Variants in PCDHA7 observed in about 807,000 individuals in gnomAD.
The protein encoded by PCDHA7 is protocadherin alpha 7.
PCDHA7 carries 37 observed loss-of-function variants against 57.2 expected under a neutral mutation model. That is an observed-to-expected ratio of 0.65 (90% CI 0.50 to 0.85). PCDHA7 has a LOEUF of 0.85. Ranked by LOEUF, PCDHA7 falls within the 40% of genes least tolerant of loss-of-function variation. PCDHA7 has a pLI of 0.00. For missense variants in PCDHA7, 1,188 were observed against 1,241.8 expected, an observed-to-expected ratio of 0.96 and a Z score of 0.65; for synonymous variants, 553 against 558.8, an observed-to-expected ratio of 0.99 and a Z score of 0.15.
chr5:140,970,373 C>T (rs1554232421), intron 1 of PCDHA7, among the ~76,000 whole-genome samples: 2 of 152,250 alleles, frequency 1.3e-5, no homozygotes, highest in East Asian at 1.9e-4. Context: ...GCTATAGCTT[C>T]AAAAGGCTGG....
chr5:140,852,890 T>G (rs1315995547), intron 1 of PCDHA7: 3 of 912,634 alleles, frequency 3.3e-6, no homozygotes, highest in East Asian at 2.3e-4. Context: ...AACGTATTTT[T>G]TTTTTTGAGT....
intron 3 of PCDHA7, among the ~76,000 whole-genome samples, chr5:141,007,135 C>G (rs1183279253): frequency 2.6e-5 from 4 of 152,074 alleles, no homozygotes; most frequent in Non-Finnish European, 5.9e-5. Context: ...GATGAGGAGA[C>G]TGACAAAGGA....
rs6883852 is a variant in PCDHA7, at chr5:140,924,704, G to T, written c.2356-54245G>T. 8.9e-3 allele frequency among the ~76,000 whole-genome samples: 1,352 copies of T among 152,160 alleles called. 15 individuals are homozygous for T. Among genetic ancestry groups the T allele is most frequent in the African/African-American group, 0.032 (1,309 of 41,486 alleles). On this transcript the variant is annotated intron_variant, in intron 1 of 3. Coordinates refer to ENST00000525929, the MANE Select transcript of PCDHA7 (RefSeq NM_018910.3). ...GAGGTCAGGAGTTCGAGACCAGCTT[G>T]TGCAACATGGCGAAACCTCACCTCT...
intron 1 of PCDHA7, among the ~76,000 whole-genome samples, chr5:140,899,251 G>T (rs1322090098): frequency 2.6e-5 from 4 of 152,082 alleles, no homozygotes; most frequent in African/African-American, 9.7e-5. Flanking sequence ...GTGAGAGAGG[G>T]CATCCCTGTC....
chr5:140,982,802 T>G (rs2153829847), intron 3 of PCDHA7, among the ~76,000 whole-genome samples: 1 of 152,122 alleles, frequency 6.6e-6, no homozygotes, highest in South Asian at 2.1e-4. Context: ...TGCATGTGTG[T>G]GTGTGTGTAT....
At chr5:140,863,300 C>G (rs1554158081) in intron 1 of PCDHA7, 16 of 1,463,970 alleles carry the variant, frequency 1.1e-5, no homozygotes, top group Non-Finnish European at 1.5e-5. Context: ...CTGATCATCG[C>G]CATCTGCGTG....
rs2150251628 is a variant in PCDHA7, at chr5:140,836,057, G to C, written c.1674G>C (p.Glu558Asp). Residue 558 changes from glutamate (E) to aspartate (D), a missense_variant, in exon 1 of 4, where the codon GAG becomes GAC. Coordinates refer to ENST00000525929, the MANE Select transcript of PCDHA7 (RefSeq NM_018910.3). Reference protein sequence around the residue: ...NVTLQVFVLDENDNAPALLAP... With the variant: ...NVTLQVFVLDDNDNAPALLAP... The stretch of plus-strand genomic sequence containing the variant: ...CGCTGCAGGTGTTCGTGCTGGACGA[G>C]AACGACAACGCGCCGGCACTGCTGG... The C allele has an allele frequency of 3.1e-6, 5 of 1,613,614 alleles. No homozygotes were observed. In the South Asian group the frequency reaches 4.4e-5, roughly 14 times the overall value.
rs2150530468 is a variant in PCDHA7 at position 140,853,294 on chromosome 5, A to G, written c.2355+16556A>G. On this transcript the variant is annotated intron_variant, in intron 1 of 3. Coordinates refer to ENST00000525929, the MANE Select transcript of PCDHA7 (RefSeq NM_018910.3). The stretch of plus-strand genomic sequence containing the variant: ...CTCTCATCATATGCAAATTCTCAGA[A>G]GGGCTGTGAACACCTTAGTAATAAA... 2 of 982,066 alleles carry G rather than the reference A, an allele frequency of 2.0e-6. 1 individual carries two copies. Among genetic ancestry groups the G allele is most frequent in the Non-Finnish European group, 2.5e-6 (2 of 814,606 alleles). 60.8% of individuals were successfully genotyped at this position (982,066 alleles called of 1,614,324 possible). A position where few individuals can be genotyped will look rare whatever the true frequency, so the allele number is the denominator to read the frequency against.
Position 140,978,964 on chromosome 5 carries a change from C to G in PCDHA7, c.2371C>G (p.Pro791Ala). ...GATTTTGCAGCCACGACAGCCCAAC[C>G]CTGACTGGCGTTACTCTGCCTCCCT... ...SSTDNPRQPN[P>A]DWRYSASLRA... is the part of the protein sequence containing the mutation. The change falls in exon 2 of 4, where the codon CCT becomes GCT. Residue 791 changes from proline to alanine, a missense_variant. Transcript: ENST00000525929. 3 of 1,614,122 alleles carry G rather than the reference C, an allele frequency of 1.9e-6. No homozygotes were observed. The highest frequency in any genetic ancestry group is 2.5e-6 in the Non-Finnish European group (3 of 1,180,010).
intron 1 of PCDHA7, chr5:140,865,657 A>C (rs2048950943): frequency 6.6e-6 from 1 of 152,200 alleles, no homozygotes; most frequent in Admixed American, 6.5e-5. Flanking sequence ...ATTTCATTTA[A>C]TACTTATAAC....
intron 1 of PCDHA7, among the ~76,000 whole-genome samples, chr5:140,965,126 A>C (rs540121719): frequency 7.9e-5 from 12 of 152,372 alleles, no homozygotes; most frequent in African/African-American, 2.6e-4. Flanking sequence ...GAAGATCTAC[A>C]GATGACAGAA....
chr5:140,951,779 CA>C (rs1402940575), intron 1 of PCDHA7, among the ~76,000 whole-genome samples: 1 of 152,142 alleles, frequency 6.6e-6, no homozygotes, highest in East Asian at 1.9e-4. Flanking sequence ...TCTTACATTG[CA>C]AAATACAATT....
rs1171497178 is a variant in PCDHA7, at chr5:140,993,431, C to A, written c.2503+10868C>A. 2.7e-5 allele frequency among the ~76,000 whole-genome samples: 4 copies of A among 149,406 alleles called. No homozygotes were observed. The Admixed American group carries it at 2.7e-4, about 10-fold the overall frequency. On this transcript the variant is annotated intron_variant, in intron 3 of 3. Coordinates refer to ENST00000525929, the MANE Select transcript of PCDHA7 (RefSeq NM_018910.3). ...TCATCAGCATTTCTCTTTTAAAATC[C>A]TTATTCATTCCTGTTCTCCTTCTTT...
At chr5:140,953,124 A>G (rs1554220816) in intron 1 of PCDHA7, among the ~76,000 whole-genome samples, 1 of 152,150 alleles carries the variant, frequency 6.6e-6, no homozygotes, top group African/African-American at 2.4e-5. Flanking sequence ...ACAGATCTAA[A>G]CCGTATCACT....
At chr5:140,843,497 C>A in intron 1 of PCDHA7, 1 of 1,596,022 alleles carries the variant, frequency 6.3e-7, no homozygotes, top group Non-Finnish European at 8.6e-7. Context: ...GTGCTCAGCA[C>A]TGCCCACTGA....
chr5:140,948,345 A>G (rs1476053305), intron 1 of PCDHA7, among the ~76,000 whole-genome samples: 3 of 151,554 alleles, frequency 2.0e-5, no homozygotes, highest in African/African-American at 7.2e-5. Context: ...TAGTATTTCT[A>G]ACCTAATAAA....
intron 3 of PCDHA7, among the ~76,000 whole-genome samples, chr5:140,987,711 T>C (rs2097265419): frequency 6.6e-6 from 1 of 152,208 alleles, no homozygotes; most frequent in South Asian, 2.1e-4. Flanking sequence ...TTTCCAGGTA[T>C]GAGTCTATCC....
At chr5:140,883,008 AT>A in intron 1 of PCDHA7, 1 of 1,614,178 alleles carries the variant, frequency 6.2e-7, no homozygotes, top group Non-Finnish European at 8.5e-7. Context: ...CAATCCGTTT[AT>A]AAAGTGACGG....
chr5:140,943,305 CATT>C (rs1322564942), intron 1 of PCDHA7, among the ~76,000 whole-genome samples: 13 of 146,998 alleles, frequency 8.8e-5, no homozygotes, highest in African/African-American at 3.0e-4. Flanking sequence ...TTTGGGAAGT[CATT>C]ATTAGCAATA....
Sources: gnomAD v4.1 joint callset for allele counts (sites outside exome capture counted in the v4.1 genomes callset) on GRCh38, gnomAD v4.1.1 for gene constraint, MANE v1.5 for transcripts, NCBI Gene and HGNC (gene_info 2026-07-23, HGNC 2026-07-21) for gene names.